VPS35L: variants seen among roughly 807,000 people sequenced by gnomAD.
VPS35L encodes the protein VPS35 endosomal protein sorting factor like.
Under a neutral mutation model 133.0 loss-of-function variants are expected in VPS35L, and 83 were observed. The observed-to-expected ratio is 0.62, with a 90% confidence interval of 0.52 to 0.75. VPS35L has a LOEUF of 0.75. VPS35L is among the 30% of genes least tolerant of loss of function. The pLI is 0.00. For synonymous variants in VPS35L, 423 were observed against 449.9 expected (o/e 0.94, Z 0.76); for missense variants, 1,083 against 1,206.8 (o/e 0.90, Z 1.52).
At chr16:19,612,088 G>A (rs1013167970) in intron 12 of VPS35L, among the ~76,000 whole-genome samples, 4 of 151,362 alleles carry the variant, frequency 2.6e-5, no homozygotes, top group East Asian at 1.9e-4. Flanking sequence ...CCAGGTGTGC[G>A]CTACCACGCC....
chr16:19,663,999 C>T (rs939641773), intron 26 of VPS35L, among the ~76,000 whole-genome samples: 5 of 152,000 alleles, frequency 3.3e-5, no homozygotes, highest in East Asian at 3.9e-4. Flanking sequence ...GGAAGTTTCC[C>T]GAATACCGTG....
At chr16:19,638,779 T>G (rs555423791) in intron 20 of VPS35L, among the ~76,000 whole-genome samples, 3 of 152,038 alleles carry the variant, frequency 2.0e-5, no homozygotes, top group Non-Finnish European at 2.9e-5. Flanking sequence ...TAGCGTGAGA[T>G]TTCATTACAC....
chr16:19,659,047 CAT>C (rs1974397768), intron 26 of VPS35L, among the ~76,000 whole-genome samples: 1 of 152,146 alleles, frequency 6.6e-6, no homozygotes, highest in Non-Finnish European at 1.5e-5. Flanking sequence ...TATATCATAA[CAT>C]AGGGTTGTAT....
intron 26 of VPS35L, among the ~76,000 whole-genome samples, chr16:19,655,415 G>A (rs537484112): frequency 1.3e-5 from 2 of 152,304 alleles, no homozygotes; most frequent in South Asian, 4.1e-4. Flanking sequence ...ATGGAAATGC[G>A]CTGCTTTTGT....
intron 28 of VPS35L, among the ~76,000 whole-genome samples, chr16:19,686,748 A>G (rs1183152553): frequency 2.0e-5 from 3 of 152,142 alleles, no homozygotes; most frequent in South Asian, 4.2e-4. Flanking sequence ...CCTTCCCTCT[A>G]TGACCACCAA....
In VPS35L at chr16:19,581,556, A is replaced by C. The variant is rs2151517917; in HGVS notation, c.542A>C (p.Gln181Pro). 1 of 1,611,048 alleles carries C rather than the reference A, an allele frequency of 6.2e-7. No homozygotes were observed. The highest frequency in any genetic ancestry group is 2.2e-5 in the East Asian group (1 of 44,754). ...GSQKELLNLT[Q>P]QDYVNRIEEL... ...CAAAAGGAGCTGTTGAACTTGACTC[A>C]GCAGGATTACGTGAACCGCATAGAG... The change falls in exon 7 of 31, where the codon CAG becomes CCG. Residue 181 changes from glutamine (Q) to proline (P), a missense_variant. Coordinates refer to ENST00000417362, the MANE Select transcript of VPS35L (RefSeq NM_020314.7).
chr16:19,661,728 A>C (rs1974491968), intron 26 of VPS35L, among the ~76,000 whole-genome samples: 1 of 152,164 alleles, frequency 6.6e-6, no homozygotes, highest in Admixed American at 6.5e-5. Flanking sequence ...TGGTCCCCAC[A>C]GTGTGTGTAT....
chr16:19,659,220 A>G (rs1481290125), intron 26 of VPS35L, among the ~76,000 whole-genome samples: 1 of 152,190 alleles, frequency 6.6e-6, no homozygotes, highest in East Asian at 1.9e-4. Flanking sequence ...CGCAACCTCA[A>G]ATGAGCTACT....
intron 26 of VPS35L, chr16:19,652,761 T>A (rs936589721): frequency 1.3e-5 from 2 of 152,284 alleles, no homozygotes; most frequent in African/African-American, 2.4e-5. Context: ...TTGTTGTGGA[T>A]GTTTGTGTGT....
At chr16:19,605,641 T>C (rs1490063928) in intron 9 of VPS35L, among the ~76,000 whole-genome samples, 1 of 152,244 alleles carries the variant, frequency 6.6e-6, no homozygotes, top group African/African-American at 2.4e-5. Flanking sequence ...CATCTAGGCA[T>C]GGCTGGCTCC....
intron 28 of VPS35L, among the ~76,000 whole-genome samples, chr16:19,683,924 G>C (rs557412124): frequency 6.6e-6 from 1 of 152,354 alleles, no homozygotes; most frequent in East Asian, 1.9e-4. Flanking sequence ...CACTGACAGA[G>C]TGTTAAGTGT....
chr16:19,646,353 A>G (rs1273502619), intron 23 of VPS35L, among the ~76,000 whole-genome samples: 2 of 152,140 alleles, frequency 1.3e-5, no homozygotes, highest in African/African-American at 4.8e-5. Flanking sequence ...GCAGCAAGGC[A>G]TTTTAAGGCC....
intron 7 of VPS35L, among the ~76,000 whole-genome samples, chr16:19,583,868 G>T (rs1971783736): frequency 6.6e-6 from 1 of 152,004 alleles, no homozygotes; most frequent in South Asian, 2.1e-4. Context: ...TTCTCCCCTT[G>T]CCCCTACCCT....
In VPS35L at chr16:19,564,982, A is replaced by G. The variant is rs752667328; in HGVS notation, c.117+32A>G. 6 of 1,464,966 alleles carry G rather than the reference A, an allele frequency of 4.1e-6. No homozygotes were observed. The South Asian group carries it at 5.8e-5, about 14-fold the overall frequency. 90.7% of individuals were successfully genotyped at this position (1,464,966 alleles called of 1,614,324 possible). A position where few individuals can be genotyped will look rare whatever the true frequency, so the allele number is the denominator to read the frequency against. ...TTTGTTAAGGGTCTTTCTGAATGAT[A>G]TTCTTATCCCTTGAAATGAAAGACA... On this transcript the variant is annotated intron_variant, in intron 2 of 30. Transcript: ENST00000417362.
At chr16:19,696,060 G>T (rs1975898210) in intron 29 of VPS35L, among the ~76,000 whole-genome samples, 2 of 151,888 alleles carry the variant, frequency 1.3e-5, no homozygotes, top group South Asian at 4.1e-4. Flanking sequence ...CTAATTTTTT[G>T]TATTTCTAGT....
At chr16:19,646,454 C>T (rs112132917) in intron 23 of VPS35L, among the ~76,000 whole-genome samples, 31,714 of 151,828 alleles carry the variant, frequency 0.21, 3,962 homozygotes, top group Non-Finnish European at 0.27. Flanking sequence ...GGATCACCTG[C>T]GGTCAGGTCG....
intron 8 of VPS35L, among the ~76,000 whole-genome samples, chr16:19,599,045 G>A (rs1421763841): frequency 1.3e-5 from 2 of 150,186 alleles, no homozygotes; most frequent in Admixed American, 6.6e-5. Flanking sequence ...ACGAGGTGTG[G>A]CGCTATAGGG....
intron 28 of VPS35L, among the ~76,000 whole-genome samples, chr16:19,689,104 CA>C (rs1975574824): frequency 6.7e-6 from 1 of 149,606 alleles, no homozygotes; most frequent in Non-Finnish European, 1.5e-5. Context: ...AGGAGCGTGC[CA>C]GTAGCTGGGA....
At position 19,639,992 on chromosome 16, in the gene VPS35L, T is replaced by G; in HGVS notation, c.1699-23T>G. 1 of 1,592,902 alleles carries G rather than the reference T, an allele frequency of 6.3e-7. No homozygotes were observed. Among genetic ancestry groups the G allele is most frequent in the South Asian group, 1.1e-5 (1 of 90,566 alleles). On this transcript the variant is annotated intron_variant, in intron 20 of 30. Transcript: ENST00000417362. The surrounding 1 kb of genome is among the most constrained non-coding windows in gnomAD (Gnocchi z 4.1). ...TCCAATAACTTGTGTCATTTGCATA[T>G]AGAGTGCTTGCTTTATTTATAGGAA...
Sources: gnomAD v4.1 joint callset for allele counts (sites outside exome capture counted in the v4.1 genomes callset) on GRCh38, gnomAD v4.1.1 for gene constraint, Gnocchi (gnomAD v3.1) non-coding constraint, MANE v1.5 for transcripts, NCBI Gene and HGNC (gene_info 2026-07-23, HGNC 2026-07-21) for gene names.